The following ASPH variants were observed in gnomAD, a reference collection of about 807,000 sequenced individuals.
ASPH encodes aspartyl/asparaginyl beta-hydroxylase.
A neutral mutation model predicts 118.4 loss-of-function variants in ASPH; 100 were observed. The observed-to-expected ratio is 0.84, with a 90% CI of 0.72 to 1.00. The LOEUF (loss-of-function observed/expected upper bound fraction) is 1.00. Ranked by LOEUF, ASPH falls within the 50% of genes least tolerant of loss-of-function variation. ASPH has a pLI of 0.00. For synonymous variants in ASPH, 315 were observed against 325.6 expected, an observed-to-expected ratio of 0.97 and a Z score of 0.35; for missense variants, 920 against 919.5, an observed-to-expected ratio of 1.00 and a Z score of -0.01.
chr8:61,552,719 C>A (rs551671599), intron 20 of ASPH, among the ~76,000 whole-genome samples: 179 of 152,272 alleles, frequency 1.2e-3, no homozygotes, highest in Middle Eastern at 6.8e-3. Context: ...TCTGTACACA[C>A]ACAGACACAC....
intron 13 of ASPH, among the ~76,000 whole-genome samples, chr8:61,623,269 A>G (rs967055534): frequency 6.6e-6 from 1 of 152,196 alleles, no homozygotes; most frequent in Non-Finnish European, 1.5e-5. Flanking sequence ...AGATATCTCA[A>G]GGTAGTTTTG....
intron 3 of ASPH, chr8:61,675,238 G>GA: frequency 2.4e-6 from 2 of 822,060 alleles, no homozygotes; most frequent in Non-Finnish European, 2.9e-6. Context: ...GTTAATGAAG[G>GA]AAAAAATGGA....
At chr8:61,609,001 G>T (rs531744119) in intron 14 of ASPH, among the ~76,000 whole-genome samples, 1 of 152,264 alleles carries the variant, frequency 6.6e-6, no homozygotes, top group South Asian at 2.1e-4. Flanking sequence ...TGCATCACTG[G>T]TTTCAATAGC....
At chr8:61,685,857 C>T (rs978801810) in intron 1 of ASPH, among the ~76,000 whole-genome samples, 6 of 151,218 alleles carry the variant, frequency 4.0e-5, no homozygotes, top group South Asian at 2.1e-4. Flanking sequence ...AGCATGATCT[C>T]GGCTCGGTTC....
At position 61,567,246 on chromosome 8, in the gene ASPH, C is replaced by G; in HGVS notation, c.1222G>C (p.Val408Leu). Residue 408 changes from valine (V) to leucine (L), a missense_variant, in exon 17 of 25, where the codon GTG becomes CTG. By Grantham distance (32) the Val-to-Leu change is conservative. Transcript: ENST00000379454. ...GCAGGGACATCAGGTAGGCTGGCCA[C>G]CTCTTGGTAGGTCTCGATGGCTCCA... ...LRGAIETYQE[V>L]ASLPDVPADL... 6.2e-7 allele frequency: 1 copy of G among 1,614,118 alleles called. No homozygotes were observed. Among genetic ancestry groups the G allele is most frequent in the African/African-American group, 1.3e-5 (1 of 75,014 alleles).
rs76321661 is a variant in ASPH at position 61,688,253 on chromosome 8, T to C, written c.104-4065A>G. 6.9e-3 allele frequency among the ~76,000 whole-genome samples: 1,049 copies of C among 152,294 alleles called. 13 individuals carry two copies. The highest frequency in any genetic ancestry group is 0.024 in the African/African-American group (985 of 41,560). On this transcript the variant is annotated intron_variant, in intron 1 of 24. Coordinates refer to ENST00000379454, the MANE Select transcript of ASPH (RefSeq NM_004318.4). ...TTCTGGCTTCATGTTCAACCTGTAG[T>C]TCTGGGATCAGTCAAAGCGGATTTT...
intron 13 of ASPH, among the ~76,000 whole-genome samples, chr8:61,631,275 T>C (rs1855476925): frequency 6.6e-6 from 1 of 152,190 alleles, no homozygotes; most frequent in African/African-American, 2.4e-5. Flanking sequence ...TAGGGTACAG[T>C]AATGTCCTAG....
chr8:61,539,699 GGTGTGTGTGT>G (rs10522481), intron 21 of ASPH, among the ~76,000 whole-genome samples: 2,512 of 124,272 alleles, frequency 0.02, 50 homozygotes, highest in Non-Finnish European at 0.029. Flanking sequence ...ACACTTCTGG[GGTGTGTGTGT>G]GTGTGTGTGT....
At chr8:61,621,331 A>AAAAAAG (rs1850851616) in intron 13 of ASPH, among the ~76,000 whole-genome samples, 1 of 142,158 alleles carries the variant, frequency 7.0e-6, no homozygotes, top group African/African-American at 2.6e-5. Context: ...GCAAAAAAAA[A>AAAAAAG]AAAAGAAAAG....
intron 10 of ASPH, among the ~76,000 whole-genome samples, chr8:61,639,894 G>T (rs986418997): frequency 1.3e-5 from 2 of 152,228 alleles, no homozygotes; most frequent in African/African-American, 2.4e-5. Flanking sequence ...AAGCAGAAGA[G>T]TGTATGTGGC....
intron 10 of ASPH, among the ~76,000 whole-genome samples, chr8:61,638,918 C>G (rs1432788894): frequency 6.6e-6 from 1 of 152,230 alleles, no homozygotes; most frequent in Non-Finnish European, 1.5e-5. Flanking sequence ...CTTCCTCAGT[C>G]AACCTGATCT....
intron 21 of ASPH, among the ~76,000 whole-genome samples, chr8:61,539,699 G>GGTGGGTGTGTGTGTGT (rs1554618409): frequency 8.0e-6 from 1 of 124,306 alleles, no homozygotes; most frequent in Admixed American, 8.5e-5. Context: ...ACACTTCTGG[G>GGTGGGTGTGTGTGTGT]GTGTGTGTGT....
intron 1 of ASPH, chr8:61,684,811 G>A (rs1032024631): frequency 6.6e-6 from 1 of 152,092 alleles, no homozygotes; most frequent in African/African-American, 2.4e-5. Context: ...CATTTGATAT[G>A]CTTAATATAC....
chr8:61,584,056 T>A (rs773182358), intron 14 of ASPH, 27 bp from the exon 15 acceptor site: 2 of 1,382,166 alleles, frequency 1.4e-6, no homozygotes, highest in Non-Finnish European at 2.0e-6. Context: ...ATTTTTATTT[T>A]TAACGTTTTT....
intron 14 of ASPH, chr8:61,607,412 C>A: frequency 3.3e-6 from 2 of 600,496 alleles, no homozygotes; most frequent in Non-Finnish European, 6.0e-6. Flanking sequence ...AACTCAAAGG[C>A]AAAAATCAGT....
intron 2 of ASPH, chr8:61,682,359 T>C: frequency 7.1e-7 from 1 of 1,413,614 alleles, no homozygotes. Flanking sequence ...CTGATGTAGA[T>C]AATAATTAAA....
intron 24 of ASPH, among the ~76,000 whole-genome samples, chr8:61,513,154 C>T (rs557676760): frequency 6.6e-6 from 1 of 152,324 alleles, no homozygotes; most frequent in South Asian, 2.1e-4. Context: ...ATAACCTCCT[C>T]TTTTAGAAGT....
chr8:61,578,516 C>T (rs1014167070), intron 15 of ASPH: 209 of 1,586,052 alleles, frequency 1.3e-4, no homozygotes, highest in Non-Finnish European at 1.6e-4. Context: ...AGACCCTCAA[C>T]AACAAGTTTG....
chr8:61,504,450 G>A (rs1181247824), intron 24 of ASPH, among the ~76,000 whole-genome samples: 1 of 152,162 alleles, frequency 6.6e-6, no homozygotes, highest in African/African-American at 2.4e-5. Context: ...TTGATTTCAA[G>A]TTACTATATT....
Sources: gnomAD v4.1 joint callset for allele counts (sites outside exome capture counted in the v4.1 genomes callset) on GRCh38, gnomAD v4.1.1 for gene constraint, MANE v1.5 for transcripts, NCBI Gene and HGNC (gene_info 2026-07-23, HGNC 2026-07-21) for gene names.